The following TRAF7 variants were observed in gnomAD, a reference collection of about 807,000 sequenced individuals.
The protein encoded by TRAF7 is TNF receptor associated factor 7.
Under a neutral mutation model 89.3 loss-of-function variants are expected in TRAF7, and 45 were observed. That is an observed-to-expected ratio of 0.50 (90% confidence interval 0.40 to 0.65). The LOEUF is 0.65. Ranked by LOEUF, TRAF7 falls within the 30% of genes least tolerant of loss-of-function variation. The probability of loss-of-function intolerance (pLI) is 0.00; values close to 1 mark genes in which losing one functional copy is unlikely to be tolerated. For synonymous variants in TRAF7, 406 were observed against 369.2 expected, an observed-to-expected ratio of 1.10 and a Z score of -1.14; for missense variants, 677 against 918.1, an observed-to-expected ratio of 0.74 and a Z score of 3.39.
At chr16:2,171,187 G>T in intron 5 of TRAF7, 77 bp from the exon 6 acceptor site, 1 of 1,238,640 alleles carries the variant, frequency 8.1e-7, no homozygotes, top group South Asian at 1.3e-5. Context: ...CCTGGAGCAA[G>T]AGCGCCTGGG....
chr16:2,158,777 G>C lies in TRAF7; in HGVS notation c.-39+2919G>C, dbSNP rs1052919457. On this transcript the variant is annotated intron_variant, in intron 1 of 20. Transcript: ENST00000326181. The surrounding 1 kb of genome is among the most constrained non-coding windows in gnomAD (Gnocchi z 4.7). The stretch of plus-strand genomic sequence containing the variant: ...GGAAGCGTGGGCTCGGCGGGGGGGG[G>C]GGGGACACTGCCACCCTTGGCTCTT... 2.0e-5 allele frequency among the ~76,000 whole-genome samples: 3 copies of C among 151,376 alleles called. No individual in the cohort carries two copies. The highest frequency in any genetic ancestry group is 2.0e-4 in the East Asian group (1 of 5,106).
At chr16:2,166,024 G>A (rs974854386) in intron 3 of TRAF7, 88 bp downstream of exon 3, 56 of 1,532,374 alleles carry the variant, frequency 3.7e-5, no homozygotes, top group Middle Eastern at 1.7e-4. Flanking sequence ...GACACTTCCC[G>A]GTGAGCTGGT....
intron 2 of TRAF7, 163 bp from the exon 3 acceptor site, chr16:2,165,716 T>A: frequency 1.3e-6 from 1 of 748,182 alleles, no homozygotes; most frequent in African/African-American, 1.8e-5. Context: ...GGTCGCATGA[T>A]TAAGCGTGTG....
Position 2,173,958 on chromosome 16 carries a change from C to T in TRAF7, c.1173C>T (p.Thr391=), listed in dbSNP as rs530343056. 6.2e-7 allele frequency: 1 copy of T among 1,610,806 alleles called. No individual in the cohort carries two copies. Among genetic ancestry groups the T allele is most frequent in the Non-Finnish European group, 8.5e-7 (1 of 1,178,984 alleles). Residue 391 remains threonine (T), a synonymous_variant, in exon 13 of 21, where the codon ACC becomes ACT. Transcript: ENST00000326181. ...DPQQIFKCKG[T]FVGHQGPVWC... is the part of the protein sequence containing the mutation. The stretch of plus-strand genomic sequence containing the variant: ...AGCAGATCTTCAAGTGCAAAGGGAC[C>T]TTTGTGGGCCACCAGGGCCCTGTGT...
Position 2,164,345 on chromosome 16 carries a change from C to T in TRAF7, c.81+344C>T, listed in dbSNP as rs543814267. 1.0e-4 allele frequency among the ~76,000 whole-genome samples: 15 copies of T among 145,976 alleles called. 1 individual carries two copies. In the South Asian group the frequency reaches 1.3e-3, roughly 13 times the overall value. On this transcript the variant is annotated intron_variant, in intron 2 of 20. Transcript: ENST00000326181. ...GGTAAAGCGTGTTAGTGCTGCGTGG[C>T]GCGGCCTGGTTGCATGGTTAAGCGT...
At chr16:2,174,585 C>T (rs2093127586) in intron 14 of TRAF7, among the ~76,000 whole-genome samples, 1 of 152,138 alleles carries the variant, frequency 6.6e-6, no homozygotes, top group African/African-American at 2.4e-5. Context: ...CTTGTCCTGG[C>T]CCAGGTGCAC....
rs1326148115 is a variant in TRAF7, at chr16:2,158,766, G to A, written c.-39+2908G>A. ...GCGTGGGACTGGGAAGCGTGGGCTC[G>A]GCGGGGGGGGGGGGGACACTGCCAC... On this transcript the variant is annotated intron_variant, in intron 1 of 20. Coordinates refer to ENST00000326181, the MANE Select transcript of TRAF7 (RefSeq NM_032271.3). The surrounding 1 kb of genome is among the most constrained non-coding windows in gnomAD (Gnocchi z 4.7). Among the ~76,000 whole-genome samples, 4 of 141,308 alleles carry A rather than the reference G, an allele frequency of 2.8e-5. No homozygotes were observed. Among genetic ancestry groups the A allele is most frequent in the Admixed American group, 1.4e-4 (2 of 14,582 alleles). The allele number at this position is 141,308 out of a possible 152,430, so 92.7% of individuals were successfully genotyped here.
chr16:2,168,677 G>A lies in TRAF7; in HGVS notation c.231+509G>A, dbSNP rs1007385820. Among the ~76,000 whole-genome samples, 14 of 152,018 alleles carry A rather than the reference G, an allele frequency of 9.2e-5. No individual in the cohort carries two copies. Among genetic ancestry groups the A allele is most frequent in the Admixed American group, 7.9e-4 (12 of 15,268 alleles). On this transcript the variant is annotated intron_variant, in intron 4 of 20. Coordinates refer to ENST00000326181, the MANE Select transcript of TRAF7 (RefSeq NM_032271.3). This position sits in a 1 kb window ranked among gnomAD's most constrained non-coding sequence, Gnocchi z 4.1. ...ACCTGCGCCAAGTGCTGGGGGAGCCGGAGAATTCCCTGTTGCTGGCTGTGT... is the reference window on the plus strand; with the variant it reads ...ACCTGCGCCAAGTGCTGGGGGAGCCAGAGAATTCCCTGTTGCTGGCTGTGT...
chr16:2,164,140 GT>G, intron 2 of TRAF7, 139 bp downstream of exon 2: 3 of 464,296 alleles, frequency 6.5e-6, no homozygotes, highest in Non-Finnish European at 1.1e-5. Context: ...GGGGGGTGTG[GT>G]GTGTGTGTGT....
At position 2,175,093 on chromosome 16, in the gene TRAF7, T is replaced by G. The variant is rs373341161; in HGVS notation, c.1347-18T>G. The G allele has an allele frequency of 1.2e-6, 2 of 1,613,742 alleles. No individual in the cohort carries two copies. Among genetic ancestry groups the G allele is most frequent in the East Asian group, 2.2e-5 (1 of 44,872 alleles). On this transcript the variant is annotated intron_variant, in intron 14 of 20. Transcript: ENST00000326181. ...ACACAGCTTCTCCCACCTTGACACATTGTCTCTGCTTCCCCAGGTGCAAAC... is the reference window on the plus strand; with the variant it reads ...ACACAGCTTCTCCCACCTTGACACAGTGTCTCTGCTTCCCCAGGTGCAAAC...
rs143154780 is a variant in TRAF7 at position 2,166,071 on chromosome 16, C to T, written c.139+135C>T. The T allele has an allele frequency of 2.1e-3, 2,258 of 1,084,366 alleles. 7 individuals are homozygous for T. The highest frequency in any genetic ancestry group is 2.7e-3 in the Non-Finnish European group (2,003 of 745,548). The allele number at this position is 1,084,366 out of a possible 1,614,324, so 67.2% of individuals were successfully genotyped here. On this transcript the variant is annotated intron_variant, in intron 3 of 20. Coordinates refer to ENST00000326181, the MANE Select transcript of TRAF7 (RefSeq NM_032271.3). ...GTGCTGGGCGCGGGCAGCCTCACAC[C>T]GCAGCCTGTGTCCTCACAGCCTCTC...
chr16:2,169,999 C>T (rs1012195018), intron 4 of TRAF7, among the ~76,000 whole-genome samples: 18 of 152,172 alleles, frequency 1.2e-4, no homozygotes, highest in Non-Finnish European at 2.5e-4. Context: ...AGTGTCTGCC[C>T]CTCCCCCAGG....
chr16:2,172,111 C>T, intron 7 of TRAF7, 80 bp from the exon 8 acceptor site: 2 of 1,555,816 alleles, frequency 1.3e-6, no homozygotes, highest in Non-Finnish European at 1.8e-6. Flanking sequence ...GATCTGGCCC[C>T]CATTAGAGGC....
chr16:2,177,369 C>G lies in TRAF7; in HGVS notation c.*795C>G, dbSNP rs1596682219. 2 of 233,732 alleles carry G rather than the reference C, an allele frequency of 8.6e-6. No homozygotes were observed. Among genetic ancestry groups the G allele is most frequent in the East Asian group, 1.2e-4 (2 of 16,562 alleles). The allele number at this position is 233,732 out of a possible 1,614,324, so 14.5% of individuals were successfully genotyped here. On this transcript the variant is annotated 3_prime_UTR_variant, in exon 21 of 21. Coordinates refer to ENST00000326181, the MANE Select transcript of TRAF7 (RefSeq NM_032271.3). ...CCTGCACGCCGGGACGCCACCTCCG[C>G]CAGCCGCCTCCACCCGCCCCACACC...
At position 2,168,736 on chromosome 16, in the gene TRAF7, G is replaced by A. The variant is rs989370977; in HGVS notation, c.231+568G>A. On this transcript the variant is annotated intron_variant, in intron 4 of 20. Transcript: ENST00000326181. This position sits in a 1 kb window ranked among gnomAD's most constrained non-coding sequence, Gnocchi z 4.1. ...GAAAGGATCAGGGCAGTCGGGGGCT[G>A]GCTGCTGGTACCTGAGCCCTGTGGC... 2.0e-5 allele frequency among the ~76,000 whole-genome samples: 3 copies of A among 152,262 alleles called. No homozygotes were observed. The East Asian group carries it at 5.8e-4, about 29-fold the overall frequency.
In TRAF7 at chr16:2,161,232, CT is replaced by C. The variant is rs1246952333; in HGVS notation, c.-38-2650del. ...CCGTCCCCCTGCTTCCCTCTGCCCC[CT>C]CCCTCCCTCCGTCCCCTCCCTCCTT... On this transcript the variant is annotated intron_variant, in intron 1 of 20. Transcript: ENST00000326181. This position sits in a 1 kb window ranked among gnomAD's most constrained non-coding sequence, Gnocchi z 5.2. Among the ~76,000 whole-genome samples, 3 of 144,734 alleles carry C rather than the reference CT, an allele frequency of 2.1e-5. No homozygotes were observed. Among genetic ancestry groups the C allele is most frequent in the Admixed American group, 6.8e-5 (1 of 14,692 alleles). The allele number at this position is 144,734 out of a possible 152,430, so 95.0% of individuals were successfully genotyped here.
rs1012645229 is a variant in TRAF7 at position 2,162,823 on chromosome 16, C to T, written c.-38-1060C>T. On this transcript the variant is annotated intron_variant, in intron 1 of 20. Coordinates refer to ENST00000326181, the MANE Select transcript of TRAF7 (RefSeq NM_032271.3). This position sits in a 1 kb window ranked among gnomAD's most constrained non-coding sequence, Gnocchi z 5.0. ...CCCCACAGGGAGCTCAGCTTCAAGC[C>T]GGGGCTCGGCTGCGCTATCCGCTGC... Among the ~76,000 whole-genome samples, 3 of 152,070 alleles carry T rather than the reference C, an allele frequency of 2.0e-5. No individual in the cohort carries two copies. Among genetic ancestry groups the T allele is most frequent in the Admixed American group, 6.5e-5 (1 of 15,290 alleles).
rs1241758069 is a variant in TRAF7 at position 2,174,377 on chromosome 16, G to A, written c.1346+44G>A. ...GTGATCAGTGATTCCCAGGACAGGAGACGTGGCGCTGCCACCCCGTGGGCC... is the reference window on the plus strand; with the variant it reads ...GTGATCAGTGATTCCCAGGACAGGAAACGTGGCGCTGCCACCCCGTGGGCC... On this transcript the variant is annotated intron_variant, in intron 14 of 20. Coordinates refer to ENST00000326181, the MANE Select transcript of TRAF7 (RefSeq NM_032271.3). 3.1e-6 allele frequency: 5 copies of A among 1,593,268 alleles called. 1 individual carries two copies. In the South Asian group the frequency reaches 5.6e-5, roughly 18 times the overall value.
intron 2 of TRAF7, among the ~76,000 whole-genome samples, chr16:2,164,767 G>C (rs1318749373): frequency 3.9e-5 from 4 of 103,568 alleles, no homozygotes; most frequent in Non-Finnish European, 7.7e-5. Flanking sequence ...TGGCCTGGTC[G>C]CATGGTTAAG....
Sources: gnomAD v4.1 joint callset for allele counts (sites outside exome capture counted in the v4.1 genomes callset) on GRCh38, gnomAD v4.1.1 for gene constraint, Gnocchi (gnomAD v3.1) non-coding constraint, MANE v1.5 for transcripts, NCBI Gene and HGNC (gene_info 2026-07-23, HGNC 2026-07-21) for gene names.